ITCH: variants seen among roughly 807,000 people sequenced by gnomAD.
ITCH encodes itchy E3 ubiquitin protein ligase.
ITCH carries 28 observed loss-of-function variants against 126.8 expected under a neutral mutation model. The ratio of observed to expected loss-of-function variants is 0.22; its 90% confidence interval spans 0.16 to 0.30. The LOEUF (loss-of-function observed/expected upper bound fraction) is 0.30, where lower values mean the gene tolerates loss of function less well. Ranked by LOEUF, ITCH falls within the 10% of genes least tolerant of loss-of-function variation. ITCH has a pLI of 1.00. For missense variants in ITCH, 631 were observed against 1,032.4 expected, an observed-to-expected ratio of 0.61 and a Z score of 5.33; for synonymous variants, 342 against 340.0, an observed-to-expected ratio of 1.01 and a Z score of -0.06.
chr20:34,491,411 G>T (rs1327455397), intron 22 of ITCH, among the ~76,000 whole-genome samples: 1 of 152,168 alleles, frequency 6.6e-6, no homozygotes, highest in East Asian at 1.9e-4. Flanking sequence ...GCAAAAATGG[G>T]AAGTTGTGTT....
chr20:34,484,059 T>C (rs1207099790), intron 20 of ITCH, among the ~76,000 whole-genome samples: 2 of 152,178 alleles, frequency 1.3e-5, no homozygotes, highest in African/African-American at 4.8e-5. Flanking sequence ...GCCCCCATGA[T>C]TCAGTTATCT....
intron 3 of ITCH, among the ~76,000 whole-genome samples, chr20:34,398,619 G>A (rs2038759701): frequency 6.6e-6 from 1 of 151,428 alleles, no homozygotes; most frequent in African/African-American, 2.4e-5. Flanking sequence ...GGCTGGTCTT[G>A]AACTCCTGAC....
intron 6 of ITCH, among the ~76,000 whole-genome samples, chr20:34,416,245 A>G (rs1334313196): frequency 1.3e-5 from 2 of 151,890 alleles, no homozygotes; most frequent in Non-Finnish European, 2.9e-5. Flanking sequence ...CTAAAAATAC[A>G]AAATTAGCTG....
chr20:34,373,746 C>T (rs2037729559), intron 2 of ITCH, among the ~76,000 whole-genome samples: 1 of 152,070 alleles, frequency 6.6e-6, no homozygotes, highest in African/African-American at 2.4e-5. Flanking sequence ...TATGTCGTCA[C>T]TTACAGGTTA....
chr20:34,401,623 G>A lies in ITCH; in HGVS notation c.71-7028G>A, dbSNP rs544637108. On this transcript the variant is annotated intron_variant, in intron 3 of 24. Coordinates refer to ENST00000374864, the MANE Select transcript of ITCH (RefSeq NM_031483.7). ...TACTCCTTCCTAAAAGCCCCAGATG[G>A]GGAACATGTTTTCTCAACTAGACCT... The A allele has an allele frequency of 4.1e-6, 4 of 982,254 alleles. No homozygotes were observed. The African/African-American group carries it at 7.0e-5, about 17-fold the overall frequency. 60.8% of individuals were successfully genotyped at this position (982,254 alleles called of 1,614,324 possible).
intron 6 of ITCH, among the ~76,000 whole-genome samples, chr20:34,422,373 T>C (rs555678055): frequency 6.6e-6 from 1 of 152,328 alleles, no homozygotes; most frequent in African/African-American, 2.4e-5. Flanking sequence ...AAATGGATTA[T>C]TCCTAATGAT....
intron 14 of ITCH, among the ~76,000 whole-genome samples, chr20:34,465,043 A>C (rs1986922613): frequency 1.3e-5 from 2 of 152,038 alleles, no homozygotes; most frequent in East Asian, 3.8e-4. Context: ...TTACATTTAG[A>C]TCTTTTATCC....
intron 12 of ITCH, among the ~76,000 whole-genome samples, chr20:34,455,858 G>T (rs1341630531): frequency 2.0e-5 from 3 of 151,782 alleles, no homozygotes; most frequent in Non-Finnish European, 4.4e-5. Flanking sequence ...ACGAAAACAG[G>T]GAGAATCCTA....
intron 2 of ITCH, among the ~76,000 whole-genome samples, chr20:34,376,986 A>G (rs1241014953): frequency 6.6e-6 from 1 of 152,178 alleles, no homozygotes; most frequent in African/African-American, 2.4e-5. Flanking sequence ...CATGTTGTGA[A>G]TCTTGCTTTA....
intron 7 of ITCH, among the ~76,000 whole-genome samples, chr20:34,436,035 A>G (rs1982962447): frequency 6.6e-6 from 1 of 152,218 alleles, no homozygotes; most frequent in Non-Finnish European, 1.5e-5. Context: ...TGAAAAATTG[A>G]GATCAAAATG....
At chr20:34,489,134 C>G in intron 20 of ITCH, 132 bp from the exon 21 acceptor site, 1 of 674,824 alleles carries the variant, frequency 1.5e-6, no homozygotes, top group Non-Finnish European at 2.4e-6. Context: ...GACATGTGTA[C>G]AGGGGGTTCA....
intron 2 of ITCH, 71 bp from the exon 3 acceptor site, chr20:34,393,719 AG>A (rs1229661105): frequency 1.7e-5 from 15 of 883,078 alleles, no homozygotes; most frequent in Non-Finnish European, 2.5e-5. Context: ...ATAAATAGCC[AG>A]GTTAGCACTA....
At chr20:34,493,208 G>C (rs538781709) in intron 23 of ITCH, among the ~76,000 whole-genome samples, 1 of 152,312 alleles carries the variant, frequency 6.6e-6, no homozygotes, top group South Asian at 2.1e-4. Context: ...ACACAGAGAA[G>C]TTAAGATCCC....
intron 20 of ITCH, 147 bp downstream of exon 20, chr20:34,481,353 T>C (rs1436204029): frequency 1.1e-6 from 1 of 906,414 alleles, no homozygotes; most frequent in East Asian, 2.7e-5. Context: ...TTTTCATTTC[T>C]AAAAAGTTTT....
intron 4 of ITCH, among the ~76,000 whole-genome samples, chr20:34,409,840 G>T (rs1308351411): frequency 6.6e-6 from 1 of 152,064 alleles, no homozygotes; most frequent in African/African-American, 2.4e-5. Context: ...GCCATTGAAG[G>T]TTAATTTTAA....
At chr20:34,439,604 T>C (rs532078126) in intron 8 of ITCH, among the ~76,000 whole-genome samples, 31 of 152,350 alleles carry the variant, frequency 2.0e-4, no homozygotes, top group African/African-American at 7.2e-4. Context: ...ATTTGATTAA[T>C]TGTATATTCT....
chr20:34,373,046 C>T (rs1188756694), intron 2 of ITCH, among the ~76,000 whole-genome samples: 2 of 150,248 alleles, frequency 1.3e-5, no homozygotes, highest in Admixed American at 6.7e-5. Context: ...GCAATCTCAG[C>T]TTACTGCAGC....
intron 16 of ITCH, among the ~76,000 whole-genome samples, chr20:34,474,884 T>C (rs1356968788): frequency 6.6e-6 from 1 of 150,880 alleles, no homozygotes; most frequent in Non-Finnish European, 1.5e-5. Context: ...GCGGAGGGGC[T>C]CCTCACTTCT....
At chr20:34,498,649 T>G (rs1438321668) in intron 23 of ITCH, among the ~76,000 whole-genome samples, 1 of 152,222 alleles carries the variant, frequency 6.6e-6, no homozygotes, top group Non-Finnish European at 1.5e-5. Context: ...TTGTATATGT[T>G]GAACCATCCT....
Sources: allele counts gnomAD v4.1 joint callset (sites outside exome capture counted in the v4.1 genomes callset), GRCh38; gene constraint gnomAD v4.1.1; transcripts MANE v1.5; gene names NCBI Gene and HGNC (gene_info 2026-07-23, HGNC 2026-07-21).